The following MCPH1 variants were observed in gnomAD, a reference collection of about 807,000 sequenced individuals.
MCPH1 encodes the protein microcephalin 1, also known as microcephalin.
Under a neutral mutation model 84.5 loss-of-function variants are expected in MCPH1, and 104 were observed. That is an observed-to-expected ratio of 1.23 (90% CI 1.05 to 1.45). The LOEUF is 1.45. Among genes scored for constraint, MCPH1 ranks in the 40% most tolerant of loss-of-function variants. The pLI is 0.00. For missense variants in MCPH1, 1,498 were observed against 1,005.7 expected (o/e 1.49, Z -6.62); for synonymous variants, 514 against 366.8 (o/e 1.40, Z -4.58).
chr8:6,447,107 G>A (rs771535761), intron 8 of MCPH1: 18 of 985,288 alleles, frequency 1.8e-5, no homozygotes, highest in African/African-American at 1.7e-4. Flanking sequence ...ACAGACAGAC[G>A]GGAAGTCACT....
At chr8:6,413,677 C>G (rs1448178689) in intron 2 of MCPH1, among the ~76,000 whole-genome samples, 1 of 151,140 alleles carries the variant, frequency 6.6e-6, no homozygotes, top group African/African-American at 2.4e-5. Context: ...CTTATGTCAT[C>G]TTTTCTTAAT....
chr8:6,521,270 G>A (rs1319667380), intron 12 of MCPH1: 3 of 1,613,900 alleles, frequency 1.9e-6, no homozygotes, highest in South Asian at 2.2e-5. Flanking sequence ...CACCGTGGCA[G>A]TCACTATTTT....
intron 8 of MCPH1, chr8:6,445,961 T>C (rs1333188417): frequency 1.0e-6 from 1 of 981,152 alleles, no homozygotes; most frequent in Non-Finnish European, 1.2e-6. Flanking sequence ...AGAAAGAAAT[T>C]AAGGTAGATT....
chr8:6,587,919 C>T (rs956029250), intron 12 of MCPH1, among the ~76,000 whole-genome samples: 8 of 152,246 alleles, frequency 5.3e-5, no homozygotes, highest in Non-Finnish European at 2.9e-5. Context: ...CTCTCACTTA[C>T]GTGCTGGGGA....
At chr8:6,582,254 G>C (rs1322205550) in intron 12 of MCPH1, among the ~76,000 whole-genome samples, 2 of 152,190 alleles carry the variant, frequency 1.3e-5, no homozygotes, top group African/African-American at 4.8e-5. Flanking sequence ...CATACACAAA[G>C]TGCTCAATAA....
At chr8:6,439,648 C>G (rs550161828) in intron 6 of MCPH1, among the ~76,000 whole-genome samples, 1 of 152,064 alleles carries the variant, frequency 6.6e-6, no homozygotes, top group African/African-American at 2.4e-5. Flanking sequence ...ACACCCGCCT[C>G]GGCCTCCCAA....
At chr8:6,582,997 A>G (rs536201325) in intron 12 of MCPH1, among the ~76,000 whole-genome samples, 10 of 152,300 alleles carry the variant, frequency 6.6e-5, no homozygotes, top group Non-Finnish European at 1.2e-4. Flanking sequence ...CTTACTCTGC[A>G]CATAGTCGGC....
At chr8:6,530,294 G>A (rs948810821) in intron 12 of MCPH1, among the ~76,000 whole-genome samples, 1 of 152,118 alleles carries the variant, frequency 6.6e-6, no homozygotes, top group Non-Finnish European at 1.5e-5. Flanking sequence ...GATCACCTGA[G>A]GTCAGGAGTT....
intron 3 of MCPH1, among the ~76,000 whole-genome samples, chr8:6,416,648 T>C (rs1799341558): frequency 1.3e-5 from 2 of 152,216 alleles, no homozygotes; most frequent in African/African-American, 4.8e-5. Context: ...CTTGCAGTCC[T>C]AGGATAAATC....
At chr8:6,558,031 C>G (rs186627712) in intron 12 of MCPH1, among the ~76,000 whole-genome samples, 1 of 152,286 alleles carries the variant, frequency 6.6e-6, no homozygotes, top group East Asian at 1.9e-4. Context: ...TGCCCCTGCC[C>G]CCACACGCAC....
At chr8:6,427,350 T>C (rs1801205676) in intron 3 of MCPH1, among the ~76,000 whole-genome samples, 1 of 152,126 alleles carries the variant, frequency 6.6e-6, no homozygotes, top group Non-Finnish European at 1.5e-5. Flanking sequence ...TGTATATTTT[T>C]TGGAGCAACT....
intron 12 of MCPH1, among the ~76,000 whole-genome samples, chr8:6,515,283 A>G (rs2916726): frequency 0.36 from 54,532 of 151,948 alleles, 9,978 homozygotes; most frequent in Middle Eastern, 0.49. Context: ...CTCCTGTTAC[A>G]TTCTCGTACT....
chr8:6,408,866 G>A (rs1206284462), intron 1 of MCPH1, among the ~76,000 whole-genome samples: 3 of 149,148 alleles, frequency 2.0e-5, no homozygotes, highest in Non-Finnish European at 3.0e-5. Flanking sequence ...CTGGCCAGTA[G>A]AGTAAATTTT....
intron 8 of MCPH1, among the ~76,000 whole-genome samples, chr8:6,451,141 C>A (rs1015183980): frequency 6.6e-6 from 1 of 152,208 alleles, no homozygotes; most frequent in East Asian, 1.9e-4. Flanking sequence ...AAATAATTCA[C>A]AAGTGTATTA....
rs371575201 is a variant in MCPH1 at position 6,414,929 on chromosome 8, G to C, written c.233+46G>C. On this transcript the variant is annotated intron_variant, in intron 3 of 13. Coordinates refer to ENST00000344683, the MANE Select transcript of MCPH1 (RefSeq NM_024596.5). ...TTTTTTTCCTTAAGTATCTAGTATTGAAAATGTGTGGAGATATTTTTCACA... is the reference window on the plus strand; with the variant it reads ...TTTTTTTCCTTAAGTATCTAGTATTCAAAATGTGTGGAGATATTTTTCACA... 7 of 1,592,864 alleles carry C rather than the reference G, an allele frequency of 4.4e-6. No homozygotes were observed. The South Asian group carries it at 5.5e-5, about 13-fold the overall frequency.
At position 6,449,212 on chromosome 8, in the gene MCPH1, C is replaced by G. The variant is rs947854646; in HGVS notation, c.1825+3665C>G. Among the ~76,000 whole-genome samples, 5 of 152,326 alleles carry G rather than the reference C, an allele frequency of 3.3e-5. No homozygotes were observed. The East Asian group carries it at 9.6e-4, about 29-fold the overall frequency. ...GAGCATCTTCATTGCTTAGAAGACG[C>G]TGATGGAATTCTCTTAGATTCTTCT... On this transcript the variant is annotated intron_variant, in intron 8 of 13. Transcript: ENST00000344683.
At position 6,597,031 on chromosome 8, in the gene MCPH1, A is replaced by G. The variant is rs116593197; in HGVS notation, c.2215-24423A>G. ...ACATTTAGAGGGTAGGAAGGATGCAATGGGGCCAGGTGGGCAGGAGATGGG... is the reference window on the plus strand; with the variant it reads ...ACATTTAGAGGGTAGGAAGGATGCAGTGGGGCCAGGTGGGCAGGAGATGGG... On this transcript the variant is annotated intron_variant, in intron 12 of 13. Coordinates refer to ENST00000344683, the MANE Select transcript of MCPH1 (RefSeq NM_024596.5). Among the ~76,000 whole-genome samples, 1,275 of 152,268 alleles carry G rather than the reference A, an allele frequency of 8.4e-3. 17 individuals carry two copies. Among genetic ancestry groups the G allele is most frequent in the African/African-American group, 0.029 (1,222 of 41,552 alleles).
intron 12 of MCPH1, among the ~76,000 whole-genome samples, chr8:6,577,251 C>T (rs1827200430): frequency 6.6e-6 from 1 of 152,210 alleles, no homozygotes; most frequent in Non-Finnish European, 1.5e-5. Context: ...CTGTCCTCCA[C>T]ACTGTGGTGC....
At chr8:6,408,486 T>C (rs773784027) in intron 1 of MCPH1, among the ~76,000 whole-genome samples, 2 of 152,104 alleles carry the variant, frequency 1.3e-5, no homozygotes, top group African/African-American at 4.8e-5. Flanking sequence ...CCTTGCAAAA[T>C]GCTGGGATTA....
Sources: gnomAD v4.1 joint callset for allele counts (sites outside exome capture counted in the v4.1 genomes callset) on GRCh38, gnomAD v4.1.1 for gene constraint, MANE v1.5 for transcripts, NCBI Gene and HGNC (gene_info 2026-07-23, HGNC 2026-07-21) for gene names.